CTNNAL1: variants seen among roughly 807,000 people sequenced by gnomAD.
CTNNAL1 encodes alpha-catulin.
In CTNNAL1, 69 loss-of-function variants were observed where a neutral mutation model predicts 93.6. That is an observed-to-expected ratio of 0.74 (90% CI 0.61 to 0.90). The LOEUF (loss-of-function observed/expected upper bound fraction) is 0.90. CTNNAL1 is among the 40% of genes least tolerant of loss of function. The pLI is 0.00. For missense variants in CTNNAL1, 836 were observed against 862.0 expected (o/e 0.97, Z 0.38); for synonymous variants, 286 against 305.4 (o/e 0.94, Z 0.66).
chr9:108,977,529 C>T (rs1831300094), intron 7 of CTNNAL1: 1 of 152,126 alleles, frequency 6.6e-6, no homozygotes, highest in African/African-American at 2.4e-5. Context: ...AATCTTTTTG[C>T]TCCATAATCG....
intron 1 of CTNNAL1, among the ~76,000 whole-genome samples, chr9:109,006,119 T>A (rs1827018776): frequency 6.6e-6 from 1 of 152,348 alleles, no homozygotes; most frequent in South Asian, 2.1e-4. Context: ...AAATTACCCA[T>A]AATCCTACTA....
At chr9:109,010,083 C>T (rs1283490560) in intron 1 of CTNNAL1, among the ~76,000 whole-genome samples, 1 of 152,058 alleles carries the variant, frequency 6.6e-6, no homozygotes, top group African/African-American at 2.4e-5. Context: ...AGCACAGTGG[C>T]GTGATCACAG....
intron 12 of CTNNAL1, among the ~76,000 whole-genome samples, chr9:108,952,815 T>A (rs375698582): frequency 5.9e-5 from 9 of 152,238 alleles, no homozygotes; most frequent in African/African-American, 2.2e-4. Context: ...ATTCCTGGAG[T>A]CCAATTATTA....
At chr9:108,950,782 T>C (rs1241564944) in intron 14 of CTNNAL1, 5 of 701,610 alleles carry the variant, frequency 7.1e-6, no homozygotes, top group East Asian at 2.8e-5. Context: ...AAGCTGCCTT[T>C]GAGATATAAC....
At chr9:108,998,570 A>G (rs1832109455) in intron 2 of CTNNAL1, among the ~76,000 whole-genome samples, 1 of 152,156 alleles carries the variant, frequency 6.6e-6, no homozygotes, top group African/African-American at 2.4e-5. Flanking sequence ...GTGAATATTT[A>G]TTGAAAAAAT....
At chr9:108,992,063 A>G in intron 3 of CTNNAL1, 1 of 768,738 alleles carries the variant, frequency 1.3e-6, no homozygotes, top group Admixed American at 1.7e-5. Context: ...ATATATTGTT[A>G]GTCTCTGATT....
At chr9:108,965,022 G>A (rs1587956564) in intron 11 of CTNNAL1, among the ~76,000 whole-genome samples, 1 of 151,936 alleles carries the variant, frequency 6.6e-6, no homozygotes, top group Non-Finnish European at 1.5e-5. Context: ...AACACATTCG[G>A]CTAATTTTTG....
chr9:108,955,953 T>C (rs906317330), intron 11 of CTNNAL1, 126 bp from the exon 12 acceptor site: 1 of 551,472 alleles, frequency 1.8e-6, no homozygotes, highest in African/African-American at 2.0e-5. Flanking sequence ...GATAACAGTC[T>C]ATTCATTACA....
intron 8 of CTNNAL1, 31 bp from the exon 9 acceptor site, chr9:108,972,864 G>GGC: frequency 1.4e-5 from 2 of 142,590 alleles, no homozygotes; most frequent in Non-Finnish European, 2.0e-5. Context: ...GGGGGGGTGG[G>GGC]AGGGTGGAGA....
At chr9:108,972,864 G>GGGGGCGCCCCCCCC in intron 8 of CTNNAL1, 31 bp from the exon 9 acceptor site, 7 of 142,498 alleles carry the variant, frequency 4.9e-5, no homozygotes, top group Non-Finnish European at 7.0e-5. Context: ...GGGGGGGTGG[G>GGGGGCGCCCCCCCC]AGGGTGGAGA....
At chr9:108,952,630 T>G (rs1830595127) in intron 12 of CTNNAL1, 136 bp from the exon 13 acceptor site, 1 of 1,133,136 alleles carries the variant, frequency 8.8e-7, no homozygotes, top group Non-Finnish European at 1.2e-6. Context: ...ACTGAATATT[T>G]TACCAATTGC....
chr9:108,983,940 T>C (rs1263134178), intron 5 of CTNNAL1, among the ~76,000 whole-genome samples: 1 of 152,212 alleles, frequency 6.6e-6, no homozygotes, highest in Non-Finnish European at 1.5e-5. Context: ...GAAACAGGAA[T>C]TAAAGGGTGA....
chr9:108,986,923 T>A (rs1322027824), intron 4 of CTNNAL1, among the ~76,000 whole-genome samples: 1 of 152,252 alleles, frequency 6.6e-6, no homozygotes, highest in African/African-American at 2.4e-5. Flanking sequence ...AGATTCTGTA[T>A]ATTAGCCCTT....
At chr9:108,972,868 G>GGGCCCCCCCCCGGGC in intron 8 of CTNNAL1, 35 bp from the exon 9 acceptor site, 1 of 1,092,788 alleles carries the variant, frequency 9.2e-7, no homozygotes, top group Non-Finnish European at 1.2e-6. Flanking sequence ...GGGTGGGAGG[G>GGGCCCCCCCCCGGGC]TGGAGAAGGA....
At chr9:108,979,248 A>G in intron 7 of CTNNAL1, 33 bp downstream of exon 7, 1 of 1,612,146 alleles carries the variant, frequency 6.2e-7, no homozygotes, top group East Asian at 2.2e-5. Context: ...GCCATTATAT[A>G]AGATTTACTT....
intron 16 of CTNNAL1, 56 bp downstream of exon 16, chr9:108,943,906 C>G: frequency 6.2e-7 from 1 of 1,600,038 alleles, no homozygotes; most frequent in Admixed American, 1.7e-5. Flanking sequence ...ATTATACCCC[C>G]AAAGTAGGTT....
intron 1 of CTNNAL1, among the ~76,000 whole-genome samples, chr9:109,008,181 CAG>C (rs1257203384): frequency 6.4e-4 from 69 of 107,494 alleles, no homozygotes; most frequent in Non-Finnish European, 2.3e-4. Flanking sequence ...TTTTTTGAGA[CAG>C]AGTCTCACTC....
At chr9:108,963,203 AG>A (rs920906158) in intron 11 of CTNNAL1, among the ~76,000 whole-genome samples, 1 of 152,202 alleles carries the variant, frequency 6.6e-6, no homozygotes, top group African/African-American at 2.4e-5. Flanking sequence ...CTTTCTTGAG[AG>A]GGGGGAAAAG....
chr9:108,961,535 G>A (rs1046600946), intron 11 of CTNNAL1, among the ~76,000 whole-genome samples: 3 of 152,136 alleles, frequency 2.0e-5, no homozygotes, highest in Admixed American at 1.3e-4. Flanking sequence ...CGTTTCCCAC[G>A]TAAGAAGGAA....
Sources: gnomAD v4.1 joint callset for allele counts (sites outside exome capture counted in the v4.1 genomes callset) on GRCh38, gnomAD v4.1.1 for gene constraint, MANE v1.5 for transcripts, NCBI Gene and HGNC (gene_info 2026-07-23, HGNC 2026-07-21) for gene names.